LOXHD1: variants seen among roughly 807,000 people sequenced by gnomAD.
The protein encoded by LOXHD1 is lipoxygenase homology domain-containing protein 1.
LOXHD1 carries 205 observed loss-of-function variants against 248.2 expected under a neutral mutation model. That is an observed-to-expected ratio of 0.83 (90% CI 0.74 to 0.93). LOXHD1 has a LOEUF of 0.93. LOXHD1 is among the 40% of genes least tolerant of loss of function. The pLI is 0.00. For missense variants in LOXHD1, 2,930 were observed against 2,971.6 expected (o/e 0.99, Z 0.33); for synonymous variants, 1,113 against 1,162.8 (o/e 0.96, Z 0.87).
At chr18:46,636,315 C>A (rs542133792) in intron 4 of LOXHD1, among the ~76,000 whole-genome samples, 1 of 152,382 alleles carries the variant, frequency 6.6e-6, no homozygotes, top group African/African-American at 2.4e-5. Context: ...AGGCACCGTA[C>A]TGTGCAACAG....
At chr18:46,632,954 T>G (rs773439245) in intron 4 of LOXHD1, among the ~76,000 whole-genome samples, 4 of 152,154 alleles carry the variant, frequency 2.6e-5, no homozygotes, top group Non-Finnish European at 5.9e-5. Flanking sequence ...CTGATTCACA[T>G]GGGGATGAGT....
At chr18:46,552,839 C>G (rs567922791) in intron 21 of LOXHD1, among the ~76,000 whole-genome samples, 1 of 152,214 alleles carries the variant, frequency 6.6e-6, no homozygotes, top group East Asian at 1.9e-4. Context: ...GTTTCCCACC[C>G]CTTCATGTCC....
rs200796800 is a variant in LOXHD1, at chr18:46,579,639, T to C, written c.1800A>G (p.Glu600=). 1 of 1,551,704 alleles carries C rather than the reference T, an allele frequency of 6.4e-7. No homozygotes were observed. The highest frequency in any genetic ancestry group is 8.7e-7 in the Non-Finnish European group (1 of 1,146,980). The part of the protein sequence containing the change: ...YNCRNNTDLF[E]KGNADEFTIE... The stretch of plus-strand genomic sequence containing the variant: ...CATTGCTGTAACTTACATTGCCCTT[T>C]TCAAACAGGTCTGTGTTATTCCTGC... Residue 600 remains glutamate (E), a synonymous_variant, in exon 13 of 41, where the codon GAA becomes GAG. Coordinates refer to ENST00000642948, the MANE Select transcript of LOXHD1 (RefSeq NM_001384474.1).
At chr18:46,506,056 C>A in intron 36 of LOXHD1, 33 bp from the exon 37 acceptor site, 1 of 1,548,838 alleles carries the variant, frequency 6.5e-7, no homozygotes, top group South Asian at 1.2e-5. Flanking sequence ...CTTAGGGTGC[C>A]AGCCTCTTTG....
At chr18:46,487,453 A>G (rs2033141986) in intron 38 of LOXHD1, among the ~76,000 whole-genome samples, 2 of 152,192 alleles carry the variant, frequency 1.3e-5, no homozygotes, top group South Asian at 2.1e-4. Flanking sequence ...TGTGACGGCC[A>G]TGGAGGAATG....
chr18:46,601,428 C>G lies in LOXHD1; in HGVS notation c.923G>C (p.Arg308Pro). The G allele has an allele frequency of 1.9e-6, 3 of 1,551,682 alleles. No individual in the cohort carries two copies. The highest frequency in any genetic ancestry group is 2.0e-5 in the Admixed American group (1 of 51,002). The change falls in exon 8 of 41, where the codon CGG becomes CCG. Residue 308 changes from arginine to proline, a missense_variant. Physicochemically the swap from Arg to Pro is moderately radical, Grantham distance 103. Coordinates refer to ENST00000642948, the MANE Select transcript of LOXHD1 (RefSeq NM_001384474.1). ...GATTTTGGATTTGGTACCAGCCCCCCGGACATCCCCAGTGAAGACGGTGAC... is the reference window on the plus strand; with the variant it reads ...GATTTTGGATTTGGTACCAGCCCCCGGGACATCCCCAGTGAAGACGGTGAC... ...YIVTVFTGDV[R>P]GAGTKSKIYL...
chr18:46,584,770 A>C (rs1025412738), intron 12 of LOXHD1, among the ~76,000 whole-genome samples: 7 of 152,116 alleles, frequency 4.6e-5, no homozygotes, highest in Non-Finnish European at 1.0e-4. Flanking sequence ...TCATAAGAAA[A>C]CTACAGACCA....
At chr18:46,550,243 T>C (rs866292678) in intron 21 of LOXHD1, among the ~76,000 whole-genome samples, 4 of 152,318 alleles carry the variant, frequency 2.6e-5, no homozygotes, top group Middle Eastern at 3.4e-3. Context: ...TATTTGTTAA[T>C]ATACATGGAA....
At chr18:46,635,503 TC>T (rs1485209504) in intron 4 of LOXHD1, among the ~76,000 whole-genome samples, 3 of 152,074 alleles carry the variant, frequency 2.0e-5, no homozygotes, top group African/African-American at 4.8e-5. Context: ...CTTGGATGGA[TC>T]CCCACATCCC....
intron 14 of LOXHD1, 127 bp from the exon 15 acceptor site, chr18:46,572,289 T>C: frequency 1.2e-6 from 1 of 824,280 alleles, no homozygotes; most frequent in African/African-American, 1.7e-5. Flanking sequence ...AATGATTCTA[T>C]GGGAGCATCT....
intron 4 of LOXHD1, among the ~76,000 whole-genome samples, chr18:46,622,921 G>T (rs1386290297): frequency 1.3e-5 from 2 of 152,192 alleles, no homozygotes; most frequent in Non-Finnish European, 2.9e-5. Flanking sequence ...ATGGAAACAG[G>T]TGAAAGTCAA....
intron 12 of LOXHD1, among the ~76,000 whole-genome samples, chr18:46,582,552 A>C (rs548252135): frequency 6.6e-6 from 1 of 152,344 alleles, no homozygotes; most frequent in African/African-American, 2.4e-5. Flanking sequence ...TGACATACAA[A>C]ATATAGTTAG....
At chr18:46,514,645 A>G (rs2035148266) in intron 34 of LOXHD1, among the ~76,000 whole-genome samples, 1 of 152,108 alleles carries the variant, frequency 6.6e-6, no homozygotes, top group African/African-American at 2.4e-5. Context: ...CTCTGTTTCC[A>G]TTCCCTTGAG....
chr18:46,513,439 G>A (rs1174647841), intron 34 of LOXHD1, among the ~76,000 whole-genome samples: 1 of 152,206 alleles, frequency 6.6e-6, no homozygotes, highest in Non-Finnish European at 1.5e-5. Context: ...GAGATGGGGA[G>A]ATTATCCTGG....
chr18:46,583,453 T>C (rs2038000117), intron 12 of LOXHD1, among the ~76,000 whole-genome samples: 2 of 152,010 alleles, frequency 1.3e-5, no homozygotes, highest in African/African-American at 4.8e-5. Context: ...ATTTAGAATA[T>C]ATAAGAAAAT....
At chr18:46,530,773 C>T (rs1450806965) in intron 28 of LOXHD1, among the ~76,000 whole-genome samples, 1 of 152,166 alleles carries the variant, frequency 6.6e-6, no homozygotes, top group African/African-American at 2.4e-5. Flanking sequence ...GGTTCTGCAG[C>T]ATTATTCCCT....
rs148793990 is a variant in LOXHD1 at position 46,523,510 on chromosome 18, T to C, written c.4876+956A>G. On this transcript the variant is annotated intron_variant, in intron 31 of 40. Transcript: ENST00000642948. ...TTATGTGAGTGAAAAGAAAAATTCC[T>C]AATTTGTTTAAGTCACCATTTCCAG... is the stretch of plus-strand genomic sequence containing the variant. Among the ~76,000 whole-genome samples the C allele has an allele frequency of 3.9e-4, 59 of 152,318 alleles. No homozygotes were observed. The East Asian group carries it at 9.2e-3, about 24-fold the overall frequency.
chr18:46,523,225 G>A (rs2035665579), intron 31 of LOXHD1, among the ~76,000 whole-genome samples: 1 of 152,174 alleles, frequency 6.6e-6, no homozygotes, highest in African/African-American at 2.4e-5. Context: ...GGGATTACAG[G>A]CATAAGCCAC....
intron 34 of LOXHD1, among the ~76,000 whole-genome samples, chr18:46,512,665 T>C (rs1225728614): frequency 4.6e-5 from 7 of 152,244 alleles, no homozygotes; most frequent in African/African-American, 1.7e-4. Flanking sequence ...TGCAGCTCTT[T>C]TCCTCTTAGG....
Sources: gnomAD v4.1 joint callset for allele counts (sites outside exome capture counted in the v4.1 genomes callset) on GRCh38, gnomAD v4.1.1 for gene constraint, MANE v1.5 for transcripts, NCBI Gene and HGNC (gene_info 2026-07-23, HGNC 2026-07-21) for gene names.